Variants in SPATA17 observed in about 807,000 individuals in gnomAD.
SPATA17 encodes the protein spermatogenesis-associated protein 17.
Under a neutral mutation model 62.2 loss-of-function variants are expected in SPATA17, and 53 were observed. The ratio of observed to expected loss-of-function variants is 0.85; its 90% CI spans 0.68 to 1.07. The LOEUF is 1.07. Among genes scored for constraint, SPATA17 ranks in the 50% least tolerant of loss-of-function variants. SPATA17 has a pLI of 0.00. For missense variants in SPATA17, 466 were observed against 425.5 expected, an observed-to-expected ratio of 1.10 and a Z score of -0.84; for synonymous variants, 146 against 146.8, an observed-to-expected ratio of 0.99 and a Z score of 0.04.
chr1:217,665,039 G>A (rs1474256051), intron 3 of SPATA17, among the ~76,000 whole-genome samples: 3 of 152,134 alleles, frequency 2.0e-5, no homozygotes, highest in Admixed American at 2.0e-4. Context: ...GAAAGGAATA[G>A]GGAGGGATAA....
intron 1 of SPATA17, among the ~76,000 whole-genome samples, chr1:217,639,546 TTTAA>T (rs1413097804): frequency 6.6e-6 from 1 of 152,202 alleles, no homozygotes; most frequent in East Asian, 1.9e-4. Context: ...ATAATTTTCA[TTTAA>T]TTAAAAATTA....
chr1:217,749,983 CTCTATATA>C (rs1205307562), intron 6 of SPATA17, among the ~76,000 whole-genome samples: 94 of 24,064 alleles, frequency 3.9e-3, no homozygotes, highest in Non-Finnish European at 6.0e-3. Flanking sequence ...CTCTCTCTCT[CTCTATATA>C]TATATATATA....
In SPATA17 at chr1:217,673,848, C is replaced by T. The variant is rs1930300; in HGVS notation, c.291+4765C>T. Among the ~76,000 whole-genome samples, 5 of 151,976 alleles carry T rather than the reference C, an allele frequency of 3.3e-5. 2 individuals are homozygous for T. The South Asian group carries it at 1.0e-3, about 32-fold the overall frequency. On this transcript the variant is annotated intron_variant, in intron 4 of 10. Coordinates refer to ENST00000366933, the MANE Select transcript of SPATA17 (RefSeq NM_138796.4). ...CCCAGGTAGCAAAAGAGTAGAGGTT[C>T]GTGGAATTGTTTTTTCCATCCTAAA...
intron 1 of SPATA17, among the ~76,000 whole-genome samples, chr1:217,640,876 G>A (rs1301207090): frequency 6.6e-6 from 1 of 151,730 alleles, no homozygotes; most frequent in African/African-American, 2.4e-5. Context: ...ATACAAAACT[G>A]GAATTAGATA....
At chr1:217,693,565 T>G (rs1671389345) in intron 5 of SPATA17, among the ~76,000 whole-genome samples, 1 of 130,016 alleles carries the variant, frequency 7.7e-6, no homozygotes, top group African/African-American at 2.9e-5. Flanking sequence ...GCTTTTCTAG[T>G]TCTTTTAATT....
chr1:217,823,948 C>T (rs746057576), intron 9 of SPATA17, among the ~76,000 whole-genome samples: 6 of 151,946 alleles, frequency 3.9e-5, no homozygotes, highest in South Asian at 2.1e-4. Flanking sequence ...TCCATTTTCA[C>T]GGAATAACTT....
At chr1:217,723,198 G>A (rs1158410238) in intron 5 of SPATA17, among the ~76,000 whole-genome samples, 1 of 152,140 alleles carries the variant, frequency 6.6e-6, no homozygotes, top group Non-Finnish European at 1.5e-5. Flanking sequence ...AATATCAACT[G>A]AGACCATTCC....
intron 8 of SPATA17, among the ~76,000 whole-genome samples, chr1:217,786,803 T>A (rs993818836): frequency 6.7e-6 from 1 of 149,926 alleles, no homozygotes. Context: ...TTCTTCTTCT[T>A]CTTCTTCTTC....
intron 5 of SPATA17, chr1:217,739,679 A>G (rs1325822909): frequency 2.6e-5 from 4 of 152,132 alleles, no homozygotes; most frequent in African/African-American, 7.2e-5. Context: ...TGCATCCTGC[A>G]CACTGAGAAA....
At chr1:217,737,853 T>G (rs1571769538) in intron 5 of SPATA17, 1 of 143,798 alleles carries the variant, frequency 7.0e-6, no homozygotes, top group Admixed American at 7.2e-5. Flanking sequence ...TGAGATAGAG[T>G]CTCGCTCTGT....
At chr1:217,635,122 A>T (rs1395674546) in intron 1 of SPATA17, among the ~76,000 whole-genome samples, 3 of 152,196 alleles carry the variant, frequency 2.0e-5, no homozygotes, top group Admixed American at 6.5e-5. Context: ...AATCTGTCAA[A>T]TTCTAATAGG....
chr1:217,705,505 A>G (rs1197421978), intron 5 of SPATA17, among the ~76,000 whole-genome samples: 1 of 132,530 alleles, frequency 7.5e-6, no homozygotes, highest in African/African-American at 3.0e-5. Flanking sequence ...CAGTGGAGCA[A>G]TCTTGGTTCA....
At chr1:217,821,217 A>G (rs183346131) in intron 9 of SPATA17, among the ~76,000 whole-genome samples, 2 of 152,198 alleles carry the variant, frequency 1.3e-5, no homozygotes, top group East Asian at 3.9e-4. Context: ...AGATAAAGAG[A>G]TTATATCCAA....
intron 8 of SPATA17, among the ~76,000 whole-genome samples, chr1:217,798,433 G>GA (rs1674210940): frequency 1.3e-5 from 2 of 152,234 alleles, no homozygotes; most frequent in South Asian, 4.1e-4. Flanking sequence ...TTTCCCACCT[G>GA]AAAAAGTGTA....
intron 9 of SPATA17, among the ~76,000 whole-genome samples, chr1:217,862,069 A>G (rs1285968262): frequency 7.4e-6 from 1 of 135,920 alleles, no homozygotes; most frequent in Non-Finnish European, 1.7e-5. Context: ...TTTTCTTAAG[A>G]AAAAAAAAAA....
chr1:217,791,501 T>A (rs1673993227), intron 8 of SPATA17, among the ~76,000 whole-genome samples: 1 of 152,166 alleles, frequency 6.6e-6, no homozygotes, highest in African/African-American at 2.4e-5. Flanking sequence ...TTTTGTCCAC[T>A]GTTTCTCTGA....
At chr1:217,693,435 A>G (rs1315788581) in intron 5 of SPATA17, among the ~76,000 whole-genome samples, 1 of 128,176 alleles carries the variant, frequency 7.8e-6, no homozygotes, top group Non-Finnish European at 1.6e-5. Context: ...ATCCTTTCAA[A>G]AAACCAGCTC....
intron 3 of SPATA17, among the ~76,000 whole-genome samples, chr1:217,661,346 G>A (rs1435006798): frequency 1.3e-5 from 2 of 151,970 alleles, no homozygotes; most frequent in Non-Finnish European, 2.9e-5. Context: ...CAAGCAGAAA[G>A]AGGACTGTGA....
chr1:217,801,144 A>G (rs1558056456), intron 8 of SPATA17, among the ~76,000 whole-genome samples: 3 of 152,194 alleles, frequency 2.0e-5, no homozygotes, highest in Non-Finnish European at 4.4e-5. Context: ...ATTCATTGTA[A>G]TAACCCTATA....
Sources: allele counts gnomAD v4.1 joint callset (sites outside exome capture counted in the v4.1 genomes callset), GRCh38; gene constraint gnomAD v4.1.1; transcripts MANE v1.5; gene names NCBI Gene and HGNC (gene_info 2026-07-23, HGNC 2026-07-21).